Variants in RBM27 observed in about 807,000 individuals in gnomAD.
RBM27 encodes the protein RNA-binding protein 27.
Under a neutral mutation model 135.3 loss-of-function variants are expected in RBM27, and 22 were observed. That is an observed-to-expected ratio of 0.16 (90% CI 0.12 to 0.23). The LOEUF (loss-of-function observed/expected upper bound fraction) is 0.23. Among genes scored for constraint, RBM27 ranks in the 10% least tolerant of loss-of-function variants. RBM27 has a pLI of 1.00. For missense variants in RBM27, 1,009 were observed against 1,281.0 expected, an observed-to-expected ratio of 0.79 and a Z score of 3.24; for synonymous variants, 481 against 442.4, an observed-to-expected ratio of 1.09 and a Z score of -1.10.
intron 7 of RBM27, 91 bp from the exon 8 acceptor site, chr5:146,237,207 G>A (rs1029815279): frequency 6.7e-7 from 1 of 1,496,744 alleles, no homozygotes; most frequent in African/African-American, 1.4e-5. Context: ...CCACAGTTCT[G>A]GATTACAGGT....
At chr5:146,261,378 A>C in intron 12 of RBM27, 132 bp from the exon 13 acceptor site, 1 of 771,424 alleles carries the variant, frequency 1.3e-6, no homozygotes, top group South Asian at 1.9e-5. Context: ...CTCTATCTCT[A>C]AAACAGTAAT....
chr5:146,267,460 G>T (rs995872517), intron 14 of RBM27, among the ~76,000 whole-genome samples, 189 bp from the exon 15 acceptor site: 3 of 152,016 alleles, frequency 2.0e-5, no homozygotes, highest in African/African-American at 7.2e-5. Context: ...TACTTAGGCT[G>T]TTTTTATCTT....
At chr5:146,242,239 C>T (rs1466137942) in intron 8 of RBM27, among the ~76,000 whole-genome samples, 1 of 152,142 alleles carries the variant, frequency 6.6e-6, no homozygotes, top group Non-Finnish European at 1.5e-5. Flanking sequence ...CTGACTTAAT[C>T]TTTTAATATT....
At chr5:146,225,639 C>A (rs1756641168) in intron 3 of RBM27, among the ~76,000 whole-genome samples, 1 of 150,746 alleles carries the variant, frequency 6.6e-6, no homozygotes, top group South Asian at 2.1e-4. Context: ...CATCTCAGCT[C>A]ACTGCAACTT....
Position 146,230,672 on chromosome 5 carries a change from C to T in RBM27, c.605C>T (p.Ser202Leu), listed in dbSNP as rs746964681. 6.2e-6 allele frequency: 10 copies of T among 1,614,012 alleles called. No individual in the cohort carries two copies. Among genetic ancestry groups the T allele is most frequent in the East Asian group, 4.5e-5 (2 of 44,882 alleles). ...PNRNVEHRERSKFKSERNDLE... is the reference protein window; with the variant it reads ...PNRNVEHRERLKFKSERNDLE... ...CTCCAAGTAGAGCACAGGGAAAGATCGAAGTTTAAGAGTGAAAGGAATGAC... is the reference window on the plus strand; with the variant it reads ...CTCCAAGTAGAGCACAGGGAAAGATTGAAGTTTAAGAGTGAAAGGAATGAC... The change falls in exon 6 of 21, where the codon TCG (serine) becomes TTG (leucine). Residue 202 changes from serine (S) to leucine (L), a missense_variant. Ser to Leu is a moderately radical substitution (Grantham distance 145). Around this residue, in one of 6 missense-constraint regions of RBM27, gnomAD observed 268 missense variants for 326.6 expected, o/e 0.82. Transcript: ENST00000265271.
At chr5:146,239,478 T>C (rs796884373) in intron 8 of RBM27, among the ~76,000 whole-genome samples, 182 of 68,846 alleles carry the variant, frequency 2.6e-3, no homozygotes, top group African/African-American at 0.011. Context: ...TTTTCTTTTT[T>C]TTTTTTTTTT....
In RBM27 at chr5:146,255,099, A is replaced by C. The variant is rs1287147749; in HGVS notation, c.1594+7A>C. 3 of 1,607,368 alleles carry C rather than the reference A, an allele frequency of 1.9e-6. No homozygotes were observed. The South Asian group carries it at 3.3e-5, about 18-fold the overall frequency. Reference sequence around the variant, plus strand: ...ATGGATGTAAATCCAAGAGGTGAGAATACCTTGAACTTTTTCTGATGCTAA... The same window carrying C: ...ATGGATGTAAATCCAAGAGGTGAGACTACCTTGAACTTTTTCTGATGCTAA... On this transcript the variant is annotated splice_region_variant and intron_variant, in intron 10 of 20. Coordinates refer to ENST00000265271, the MANE Select transcript of RBM27 (RefSeq NM_018989.2).
At chr5:146,260,265 C>T (rs1257739416) in intron 11 of RBM27, among the ~76,000 whole-genome samples, 2 of 151,186 alleles carry the variant, frequency 1.3e-5, no homozygotes, top group African/African-American at 4.9e-5. Flanking sequence ...TTCCACGGCA[C>T]TCCAGCCTGG....
chr5:146,260,805 CA>C lies in RBM27; in HGVS notation c.1803del (p.Lys601AsnfsTer2). The C allele has an allele frequency of 6.2e-7, 1 of 1,613,240 alleles. No individual in the cohort carries two copies. The highest frequency in any genetic ancestry group is 8.5e-7 in the Non-Finnish European group (1 of 1,179,528). ...FLRKNQYTNT[K>X]LEVKKIPQEL... is the part of the protein sequence containing the mutation. ...TACGAAAGAATCAGTATACAAACACCAAATTAGAAGTCAAGAAAATCCCTCA... is the reference window on the plus strand; with the variant it reads ...TACGAAAGAATCAGTATACAAACACCAATTAGAAGTCAAGAAAATCCCTCA... On this transcript the variant is annotated frameshift_variant, in exon 12 of 21. Coordinates refer to ENST00000265271, the MANE Select transcript of RBM27 (RefSeq NM_018989.2). LOFTEE classifies it high-confidence loss of function.
At chr5:146,209,359 A>G (rs1476556452) in intron 1 of RBM27, among the ~76,000 whole-genome samples, 1 of 152,226 alleles carries the variant, frequency 6.6e-6, no homozygotes, top group Non-Finnish European at 1.5e-5. Context: ...TTGCTAGTCA[A>G]AGTCATAGAC....
At chr5:146,224,948 C>T (rs774247842) in intron 3 of RBM27, among the ~76,000 whole-genome samples, 6 of 152,158 alleles carry the variant, frequency 3.9e-5, no homozygotes, top group East Asian at 1.9e-4. Flanking sequence ...TGTCTTTTCA[C>T]CCCTAAGTAA....
At chr5:146,236,494 A>G (rs1757165441) in intron 7 of RBM27, among the ~76,000 whole-genome samples, 1 of 152,192 alleles carries the variant, frequency 6.6e-6, no homozygotes, top group South Asian at 2.1e-4. Flanking sequence ...CCTCTTCTAG[A>G]ACAAGTAATG....
intron 13 of RBM27, 47 bp from the exon 14 acceptor site, chr5:146,263,444 C>G (rs770243035): frequency 4.4e-5 from 68 of 1,553,854 alleles, no homozygotes; most frequent in Non-Finnish European, 6.0e-5. Flanking sequence ...CATTTCTAGG[C>G]ATGTTTTTAA....
chr5:146,241,648 G>C (rs751089480), intron 8 of RBM27, among the ~76,000 whole-genome samples: 2 of 150,972 alleles, frequency 1.3e-5, no homozygotes, highest in Admixed American at 1.3e-4. Flanking sequence ...TGGTACAGAT[G>C]GGGTTTCGCC....
intron 19 of RBM27, among the ~76,000 whole-genome samples, chr5:146,283,028 C>A (rs558497648): frequency 1.5e-3 from 233 of 152,234 alleles, no homozygotes; most frequent in African/African-American, 5.3e-3. Context: ...GGAGGACAGA[C>A]CTCTTATCCT....
In RBM27 at chr5:146,220,502, A is replaced by ATG. The variant is rs57569808; in HGVS notation, c.178+1400_178+1401insGT. 3.0e-4 allele frequency among the ~76,000 whole-genome samples: 44 copies of ATG among 147,316 alleles called. 1 individual carries two copies. The highest frequency in any genetic ancestry group is 4.8e-4 in the Non-Finnish European group (32 of 67,186). ...AAAAAAAAAAAAAATATATATATATATATATATGTATGTATAGTTGAATGG... is the reference window on the plus strand; with the variant it reads ...AAAAAAAAAAAAAATATATATATATATGTATATATGTATGTATAGTTGAATGG... On this transcript the variant is annotated intron_variant, in intron 2 of 20. Coordinates refer to ENST00000265271, the MANE Select transcript of RBM27 (RefSeq NM_018989.2).
chr5:146,256,317 AT>A (rs1758099552), intron 10 of RBM27, among the ~76,000 whole-genome samples: 1 of 145,652 alleles, frequency 6.9e-6, no homozygotes, highest in Non-Finnish European at 1.5e-5. Context: ...TTATATATAT[AT>A]TTTTATATAT....
At position 146,263,631 on chromosome 5, in the gene RBM27, G is replaced by A. The variant is rs371511338; in HGVS notation, c.2331G>A (p.Gln777=). 3 of 1,612,622 alleles carry A rather than the reference G, an allele frequency of 1.9e-6. No homozygotes were observed. The African/African-American group carries it at 4.0e-5, about 22-fold the overall frequency. The change falls in exon 14 of 21, where the codon CAG becomes CAA. Residue 777 remains glutamine, a splice_region_variant and synonymous_variant. Transcript: ENST00000265271. ...CTGGTGGTGCTGGAGAAGATTGCCAGGTATGCATTTTTGGGAGCTTCAGAT... is the reference window on the plus strand; with the variant it reads ...CTGGTGGTGCTGGAGAAGATTGCCAAGTATGCATTTTTGGGAGCTTCAGAT... ...NQSGGAGEDC[Q]IFSTPGHPKM...
intron 3 of RBM27, 68 bp from the exon 4 acceptor site, chr5:146,228,878 G>T: frequency 3.9e-6 from 5 of 1,281,360 alleles, no homozygotes; most frequent in Non-Finnish European, 5.6e-6. Flanking sequence ...CTCGTAAAAT[G>T]TTGGGATTAC....
Sources: gnomAD v4.1 joint callset for allele counts (sites outside exome capture counted in the v4.1 genomes callset) on GRCh38, gnomAD v4.1.1 for gene constraint, gnomAD v4.1.1 regional missense constraint, MANE v1.5 for transcripts, NCBI Gene and HGNC (gene_info 2026-07-23, HGNC 2026-07-21) for gene names.